The following SEC13 variants were observed in gnomAD, a reference collection of about 807,000 sequenced individuals.
SEC13 encodes the protein SEC13 homolog, nuclear pore and COPII component.
A neutral mutation model predicts 49.2 loss-of-function variants in SEC13; 25 were observed. That is an observed-to-expected ratio of 0.51 (90% confidence interval 0.37 to 0.71). The LOEUF is 0.71. Among genes scored for constraint, SEC13 ranks in the 30% least tolerant of loss-of-function variants. SEC13 has a pLI of 0.00. For missense variants in SEC13, 383 were observed against 417.6 expected (o/e 0.92, Z 0.72); for synonymous variants, 148 against 163.9 (o/e 0.90, Z 0.74).
At chr3:10,313,525 T>C in intron 3 of SEC13, 1 of 473,680 alleles carries the variant, frequency 2.1e-6, no homozygotes, top group South Asian at 1.5e-5. Flanking sequence ...TCAATACCCA[T>C]TAGCTATTAG....
At chr3:10,301,502 C>A in intron 8 of SEC13, 128 bp from the exon 9 acceptor site, 1 of 1,202,560 alleles carries the variant, frequency 8.3e-7, no homozygotes. Flanking sequence ...GCATGTCCCT[C>A]CTCCACTGAA....
chr3:10,301,289 ACTGATG>A lies in SEC13; in HGVS notation c.935_940del (p.Ala312_Ser313del). 1 of 1,614,058 alleles carries A rather than the reference ACTGATG, an allele frequency of 6.2e-7. No individual in the cohort carries two copies. Among genetic ancestry groups the A allele is most frequent in the Non-Finnish European group, 8.5e-7 (1 of 1,180,016 alleles). ...CTGCTCGTTCTGCTGGCCCTCTGTC[ACTGATG>A]CTGATACGGAGCCCTGGCCCTTGTT... On this transcript the variant is annotated inframe_deletion, in exon 9 of 9. Coordinates refer to ENST00000350697, the MANE Select transcript of SEC13 (RefSeq NM_183352.3).
intron 4 of SEC13, 58 bp from the exon 5 acceptor site, chr3:10,312,156 G>A (rs1388005265): frequency 1.6e-5 from 24 of 1,521,740 alleles, no homozygotes; most frequent in Non-Finnish European, 1.8e-5. Flanking sequence ...CCCAGGTCCC[G>A]CCTTCCACAG....
intron 5 of SEC13, among the ~76,000 whole-genome samples, chr3:10,308,255 A>G (rs751977052): frequency 2.5e-4 from 38 of 152,100 alleles, no homozygotes; most frequent in East Asian, 1.5e-3. Context: ...GCAGCCCCCA[A>G]TCGTGGTGAC....
Position 10,301,154 on chromosome 3 carries a change from A to G in SEC13, c.*107T>C, listed in dbSNP as rs1332543890. ...GCTGCATCTGTAACTCCTCCTGGGAAAATAATCCTGTTGGAGTTGGGGGCT... is the reference window on the plus strand; with the variant it reads ...GCTGCATCTGTAACTCCTCCTGGGAGAATAATCCTGTTGGAGTTGGGGGCT... On this transcript the variant is annotated 3_prime_UTR_variant, in exon 9 of 9. Coordinates refer to ENST00000350697, the MANE Select transcript of SEC13 (RefSeq NM_183352.3). The G allele has an allele frequency of 6.2e-7, 1 of 1,613,836 alleles. No homozygotes were observed. Among genetic ancestry groups the G allele is most frequent in the Non-Finnish European group, 8.5e-7 (1 of 1,179,892 alleles).
chr3:10,315,014 T>G, intron 3 of SEC13: 1 of 276,250 alleles, frequency 3.6e-6, no homozygotes, highest in Non-Finnish European at 7.0e-6. Flanking sequence ...ATTGGCCCAA[T>G]TTTGAGGATG....
In SEC13 at chr3:10,321,097, G is replaced by A. The variant is rs1243863286; in HGVS notation, c.-45C>T. On this transcript the variant is annotated 5_prime_UTR_variant, in exon 1 of 9. Transcript: ENST00000350697. This position sits in a 1 kb window ranked among gnomAD's most constrained non-coding sequence, Gnocchi z 4.1. ...CCAGGTCTCGGACGTGGCAGCTCCC[G>A]GCGGCGCCTCGGAACAGCTCACTTC... The A allele has an allele frequency of 8.1e-6, 13 of 1,612,106 alleles. No homozygotes were observed. The highest frequency in any genetic ancestry group is 1.3e-5 in the African/African-American group (1 of 74,806).
chr3:10,317,218 A>G (rs1701663007), intron 2 of SEC13, among the ~76,000 whole-genome samples: 1 of 152,184 alleles, frequency 6.6e-6, no homozygotes, highest in African/African-American at 2.4e-5. Context: ...CTTCCTGCCC[A>G]TGATTCCATG....
chr3:10,318,426 G>C (rs895842578), intron 1 of SEC13, among the ~76,000 whole-genome samples: 5 of 151,780 alleles, frequency 3.3e-5, no homozygotes, highest in African/African-American at 1.2e-4. Flanking sequence ...ATTTGCAGGT[G>C]GCACAGGGGA....
At chr3:10,310,705 C>T (rs1401027086) in intron 5 of SEC13, among the ~76,000 whole-genome samples, 1 of 152,184 alleles carries the variant, frequency 6.6e-6, no homozygotes, top group Non-Finnish European at 1.5e-5. Flanking sequence ...TACCATATGA[C>T]TCAGCAATTT....
At chr3:10,320,477 CA>C (rs749373288) in intron 1 of SEC13, 84 of 982,546 alleles carry the variant, frequency 8.5e-5, no homozygotes, top group Non-Finnish European at 9.8e-5. Flanking sequence ...TCGTTCAGGC[CA>C]TCTTTACGTT....
At chr3:10,305,312 T>TAAA in intron 6 of SEC13, 156 bp from the exon 7 acceptor site, 14 of 1,163,738 alleles carry the variant, frequency 1.2e-5, no homozygotes, top group South Asian at 1.0e-4. Flanking sequence ...ACCCCAGCTG[T>TAAA]AAAAAAAACC....
chr3:10,308,710 T>A (rs191004608), intron 5 of SEC13, among the ~76,000 whole-genome samples: 2 of 151,668 alleles, frequency 1.3e-5, no homozygotes, highest in African/African-American at 4.9e-5. Context: ...AGGTTCCTTT[T>A]CTCTAGAACC....
chr3:10,312,448 G>GA, intron 4 of SEC13, 131 bp downstream of exon 4: 1 of 1,174,180 alleles, frequency 8.5e-7, no homozygotes. Context: ...CAGAGTAGCA[G>GA]AAAAGCCAAC....
intron 3 of SEC13, chr3:10,313,371 G>A: frequency 3.9e-6 from 2 of 516,410 alleles, no homozygotes; most frequent in East Asian, 5.5e-5. Flanking sequence ...TTAGTGGTTA[G>A]GAGACCAGAC....
At chr3:10,301,599 C>A (rs1343629805) in intron 8 of SEC13, among the ~76,000 whole-genome samples, 1 of 152,190 alleles carries the variant, frequency 6.6e-6, no homozygotes, top group Non-Finnish European at 1.5e-5. Flanking sequence ...GATGTCAACA[C>A]AGGATACTGT....
Position 10,316,873 on chromosome 3 carries a change from C to T in SEC13, c.48+1177G>A, listed in dbSNP as rs777368535. ...AAAATTAGCTGGGAGTGGTGGCGCA[C>T]GCCTGTAATCCCAGCTACTCGGGAG... On this transcript the variant is annotated intron_variant, in intron 2 of 8. Transcript: ENST00000350697. Among the ~76,000 whole-genome samples, 8 of 152,044 alleles carry T rather than the reference C, an allele frequency of 5.3e-5. No individual in the cohort carries two copies. The East Asian group carries it at 5.8e-4, about 11-fold the overall frequency.
chr3:10,315,231 T>G, intron 3 of SEC13, 90 bp downstream of exon 3: 1 of 930,380 alleles, frequency 1.1e-6, no homozygotes, highest in East Asian at 2.4e-5. Context: ...GCTCTGAATC[T>G]GGGCTCCCAT....
Position 10,305,035 on chromosome 3 carries a change from G to C in SEC13, c.706C>G (p.Gln236Glu). The C allele has an allele frequency of 6.2e-7, 1 of 1,614,112 alleles. No homozygotes were observed. The highest frequency in any genetic ancestry group is 8.5e-7 in the Non-Finnish European group (1 of 1,180,038). Residue 236 changes from glutamine (Q) to glutamate (E), a missense_variant and splice_region_variant, in exon 7 of 9, where the codon CAG becomes GAG. Physicochemically the swap from Gln to Glu is conservative, Grantham distance 29. Transcript: ENST00000350697. ...LPTSTIASCS[Q>E]DGRVFIWTCD... ...GATACTCATGGCCCTGGGCTGACCT[G>C]GGAGCAGCTGGCGATGGTGCTGGTG...
Sources: gnomAD v4.1 joint callset for allele counts (sites outside exome capture counted in the v4.1 genomes callset) on GRCh38, gnomAD v4.1.1 for gene constraint, Gnocchi (gnomAD v3.1) non-coding constraint, MANE v1.5 for transcripts, NCBI Gene and HGNC (gene_info 2026-07-23, HGNC 2026-07-21) for gene names.